Variants in TCF12 observed in about 807,000 individuals in gnomAD.
TCF12 encodes transcription factor 12.
TCF12 carries 45 observed loss-of-function variants against 86.0 expected under a neutral mutation model. That is an observed-to-expected ratio of 0.52 (90% CI 0.41 to 0.67). TCF12 has a LOEUF of 0.67. Ranked by LOEUF, TCF12 falls within the 30% of genes least tolerant of loss-of-function variation. The probability of loss-of-function intolerance (pLI) is 0.00; values close to 1 mark genes in which losing one functional copy is unlikely to be tolerated. For synonymous variants in TCF12, 330 were observed against 299.6 expected (o/e 1.10, Z -1.05); for missense variants, 881 against 859.9 (o/e 1.02, Z -0.31).
At chr15:57,269,697 T>C (rs1597790887) in intron 18 of TCF12, among the ~76,000 whole-genome samples, 1 of 152,150 alleles carries the variant, frequency 6.6e-6, no homozygotes, top group Admixed American at 6.6e-5. Context: ...CTGGTACCGG[T>C]TGTTGCTTAC....
chr15:57,286,977 C>A lies in TCF12; in HGVS notation c.*832C>A, dbSNP rs1179677907. The A allele has an allele frequency of 6.2e-6, 1 of 162,484 alleles. No individual in the cohort carries two copies. The highest frequency in any genetic ancestry group is 1.4e-5 in the Non-Finnish European group (1 of 73,864). The allele number at this position is 162,484 out of a possible 1,614,324, so 10.1% of individuals were successfully genotyped here. On this transcript the variant is annotated 3_prime_UTR_variant, in exon 21 of 21. Transcript: ENST00000333725. ...GCATTTTAAAAGGGGAAATTTTGTT[C>A]TCTAGGTTTTCCCCCAAATAAACAT...
chr15:57,232,347 G>A lies in TCF12; in HGVS notation c.742G>A (p.Gly248Ser), dbSNP rs2059173331. 1.9e-6 allele frequency: 3 copies of A among 1,613,922 alleles called. No individual in the cohort carries two copies. Among genetic ancestry groups the A allele is most frequent in the Non-Finnish European group, 2.5e-6 (3 of 1,179,890 alleles). Residue 248 changes from glycine to serine, a missense_variant, in exon 10 of 21, where the codon GGT (glycine) becomes AGT (serine). Physicochemically the swap from Gly to Ser is moderately conservative, Grantham distance 56. Transcript: ENST00000333725. ...WSSSNGMSQP[G>S]FGGILGTSTS... ...TTCATCAAATGGGATGAGCCAGCCT[G>A]GTTTTGGTGGAATTCTGGGGACCTC...
chr15:57,035,512 C>T (rs1288698762), intron 3 of TCF12, among the ~76,000 whole-genome samples: 1 of 152,072 alleles, frequency 6.6e-6, no homozygotes, highest in Non-Finnish European at 1.5e-5. Flanking sequence ...AGTGATCCTC[C>T]CACCTCGGCC....
Position 57,232,773 on chromosome 15 carries a change from G to A in TCF12, c.887G>A (p.Ser296Asn). The A allele has an allele frequency of 1.2e-6, 2 of 1,612,320 alleles. No individual in the cohort carries two copies. Among genetic ancestry groups the A allele is most frequent in the South Asian group, 2.2e-5 (2 of 90,990 alleles). ...DINTSLPPMS[S>N]FHRGSTSSSP... The stretch of plus-strand genomic sequence containing the variant: ...AACACGAGTCTTCCACCAATGTCCA[G>A]CTTTCATCGCGGCAGTACCAGCAGT... The change falls in exon 11 of 21, where the codon AGC becomes AAC. Residue 296 changes from serine to asparagine, a missense_variant. By Grantham distance (46) the Ser-to-Asn change is conservative. This residue lies in a region of TCF12 where 766 missense variants were observed against 718.9 expected (regional missense o/e 1.07). Transcript: ENST00000333725.
At chr15:57,084,587 A>G (rs762117194) in intron 4 of TCF12, among the ~76,000 whole-genome samples, 47 of 152,166 alleles carry the variant, frequency 3.1e-4, no homozygotes, top group Non-Finnish European at 6.0e-4. Flanking sequence ...CATTTCAACA[A>G]ACTCCCAGAA....
chr15:57,263,115 G>C lies in TCF12; in HGVS notation c.1586G>C (p.Gly529Ala), dbSNP rs533736349. The change falls in exon 18 of 21, where the codon GGC becomes GCC. Residue 529 changes from glycine to alanine, a missense_variant. Gly to Ala is a moderately conservative substitution (Grantham distance 60). Around this residue, in one of 3 missense-constraint regions of TCF12, gnomAD observed 766 missense variants for 718.9 expected, o/e 1.07. Coordinates refer to ENST00000333725, the MANE Select transcript of TCF12 (RefSeq NM_207037.2). The stretch of plus-strand genomic sequence containing the variant: ...CTTTCCTTTGCCTCTTTGTTAGGTG[G>C]CTTGCAAAGTCAGTCTGGAACTGTT... ...NHKTQENYRG[G>A]LQSQSGTVVT... 2.5e-6 allele frequency: 4 copies of C among 1,594,254 alleles called. No individual in the cohort carries two copies. The South Asian group carries it at 4.6e-5, about 18-fold the overall frequency.
intron 5 of TCF12, among the ~76,000 whole-genome samples, chr15:57,146,091 T>C (rs1032353968): frequency 1.6e-4 from 24 of 152,206 alleles, no homozygotes; most frequent in African/African-American, 5.8e-4. Context: ...ACTTAGGGTA[T>C]TACTCATATT....
At position 57,232,852 on chromosome 15, in the gene TCF12, T is replaced by C; in HGVS notation, c.966T>C (p.Ile322=). The C allele has an allele frequency of 6.4e-7, 1 of 1,564,400 alleles. No homozygotes were observed. The highest frequency in any genetic ancestry group is 2.4e-5 in the East Asian group (1 of 41,782). The change falls in exon 11 of 21, where the codon ATT becomes ATC. Residue 322 remains isoleucine, a synonymous_variant. Transcript: ENST00000333725. The part of the protein sequence containing the change: ...HTPPINGSDS[I]LGTRGNAAGS... Reference sequence around the variant, plus strand: ...CTCCCATCAATGGATCAGACAGCATTCTAGGTGAGCTTTTTGAGTTGGCAA... The same window carrying C: ...CTCCCATCAATGGATCAGACAGCATCCTAGGTGAGCTTTTTGAGTTGGCAA...
intron 5 of TCF12, among the ~76,000 whole-genome samples, chr15:57,143,193 C>G (rs1020193706): frequency 2.0e-5 from 3 of 148,538 alleles, no homozygotes; most frequent in Non-Finnish European, 4.4e-5. Context: ...AAAGCTAATG[C>G]ATGATTCTGA....
intron 9 of TCF12, 35 bp from the exon 10 acceptor site, chr15:57,232,256 C>G: frequency 6.2e-7 from 1 of 1,609,812 alleles, no homozygotes; most frequent in Non-Finnish European, 8.5e-7. Context: ...AAATTTTTAG[C>G]TAAGGAAAAT....
At chr15:56,925,895 C>G (rs369966007) in intron 3 of TCF12, among the ~76,000 whole-genome samples, 4 of 152,174 alleles carry the variant, frequency 2.6e-5, no homozygotes, top group Non-Finnish European at 2.9e-5. Context: ...TGACAGTCTG[C>G]TTTGTTAAAT....
intron 13 of TCF12, among the ~76,000 whole-genome samples, chr15:57,250,444 A>C (rs1322584411): frequency 1.3e-5 from 2 of 152,206 alleles, no homozygotes; most frequent in African/African-American, 4.8e-5. Context: ...AATTAGGTGT[A>C]GAAGCCAGGC....
chr15:57,099,042 A>G (rs369940547), intron 5 of TCF12, among the ~76,000 whole-genome samples: 3 of 152,098 alleles, frequency 2.0e-5, no homozygotes, highest in Non-Finnish European at 2.9e-5. Context: ...CATGGTTGCT[A>G]TATTGTAAGG....
intron 3 of TCF12, among the ~76,000 whole-genome samples, chr15:56,967,267 C>T (rs536619606): frequency 1.3e-5 from 2 of 151,986 alleles, no homozygotes; most frequent in South Asian, 2.1e-4. Flanking sequence ...TACCTGTGAG[C>T]CTGTCCTGGT....
downstream of TCF12, among the ~76,000 whole-genome samples, chr15:57,290,359 AAAG>A (rs2062058561): frequency 6.6e-6 from 1 of 151,112 alleles, no homozygotes; most frequent in Admixed American, 6.6e-5. Flanking sequence ...AAAAAAAAAA[AAAG>A]AGTGAGCCAG....
chr15:57,062,893 T>A (rs1596346550), intron 3 of TCF12, among the ~76,000 whole-genome samples: 2 of 152,346 alleles, frequency 1.3e-5, no homozygotes, highest in South Asian at 4.1e-4. Context: ...AAGTGTACCC[T>A]CCTTGCAGTC....
intron 8 of TCF12, among the ~76,000 whole-genome samples, chr15:57,229,920 G>A (rs2059055475): frequency 6.6e-6 from 1 of 151,874 alleles, no homozygotes; most frequent in South Asian, 2.1e-4. Context: ...ATAATTGACA[G>A]TTTATGTAAA....
chr15:56,972,222 G>C (rs1376882606), intron 3 of TCF12, among the ~76,000 whole-genome samples: 1 of 152,128 alleles, frequency 6.6e-6, no homozygotes, highest in African/African-American at 2.4e-5. Context: ...CAGCCCTTTT[G>C]GAAGGAACTT....
At chr15:56,919,857 G>A in intron 1 of TCF12, 35 bp from the exon 2 acceptor site, 1 of 1,595,274 alleles carries the variant, frequency 6.3e-7, no homozygotes, top group Admixed American at 1.7e-5. Context: ...TTGGGCCTCG[G>A]TGGTCTCTCG....
Sources: gnomAD v4.1 joint callset for allele counts (sites outside exome capture counted in the v4.1 genomes callset) on GRCh38, gnomAD v4.1.1 for gene constraint, gnomAD v4.1.1 regional missense constraint, MANE v1.5 for transcripts, NCBI Gene and HGNC (gene_info 2026-07-23, HGNC 2026-07-21) for gene names.